MEAF6: variants seen among roughly 807,000 people sequenced by gnomAD.
MEAF6 encodes chromatin modification-related protein MEAF6.
In MEAF6, 15 loss-of-function variants were observed where a neutral mutation model predicts 28.9. The observed-to-expected ratio is 0.52, with a 90% CI of 0.35 to 0.80. The LOEUF (loss-of-function observed/expected upper bound fraction) is 0.80, where lower values mean the gene tolerates loss of function less well. Ranked by LOEUF, MEAF6 falls within the 30% of genes least tolerant of loss-of-function variation. MEAF6 has a pLI of 0.01. For synonymous variants in MEAF6, 97 were observed against 88.7 expected (o/e 1.09, Z -0.53); for missense variants, 178 against 237.5 (o/e 0.75, Z 1.65).
chr1:37,513,299 T>G, intron 2 of MEAF6, 124 bp downstream of exon 2: 1 of 682,266 alleles, frequency 1.5e-6, no homozygotes, highest in Non-Finnish European at 2.6e-6. Context: ...AGTCCAAGAG[T>G]TCAAGTCCAG....
chr1:37,498,409 TTTA>T (rs35576307), intron 5 of MEAF6, among the ~76,000 whole-genome samples: 34,236 of 122,284 alleles, frequency 0.28, 5,219 homozygotes, highest in African/African-American at 0.45. Flanking sequence ...TATGTTATTT[TTTA>T]TTATTATTAT....
At chr1:37,494,628 C>T (rs924920577) in intron 6 of MEAF6, among the ~76,000 whole-genome samples, 1 of 151,392 alleles carries the variant, frequency 6.6e-6, no homozygotes, top group African/African-American at 2.4e-5. Flanking sequence ...GTCAGGAGCT[C>T]GAGACCAGCC....
At position 37,492,788 on chromosome 1, in the gene MEAF6, A is replaced by G. The variant is rs12133933; in HGVS notation, c.*1311T>C. On this transcript the variant is annotated 3_prime_UTR_variant, in exon 7 of 7. Coordinates refer to ENST00000296214, the MANE Select transcript of MEAF6 (RefSeq NM_001270875.3). ...GGTTAGACCCCAAATCTTATCCCTTAGACCAATCATAACATAGGATGTAAA... is the reference window on the plus strand; with the variant it reads ...GGTTAGACCCCAAATCTTATCCCTTGGACCAATCATAACATAGGATGTAAA... 19,906 of 152,610 alleles carry G rather than the reference A, an allele frequency of 0.13. 1,591 individuals are homozygous for G. Among genetic ancestry groups the G allele is most frequent in the South Asian group, 0.17 (842 of 4,822 alleles). The allele number at this position is 152,610 out of a possible 1,614,324, so 9.5% of individuals were successfully genotyped here.
intron 5 of MEAF6, among the ~76,000 whole-genome samples, chr1:37,500,524 C>T (rs1642266446): frequency 6.6e-6 from 1 of 152,244 alleles, no homozygotes; most frequent in East Asian, 1.9e-4. Context: ...TACAGTTATG[C>T]GATTAGGATG....
chr1:37,502,999 C>A (rs1304985100), intron 4 of MEAF6, among the ~76,000 whole-genome samples: 3 of 152,030 alleles, frequency 2.0e-5, no homozygotes, highest in Non-Finnish European at 4.4e-5. Flanking sequence ...CTGGTGTGAA[C>A]TGGTGTGATC....
rs1642189837 is a variant in MEAF6 at position 37,498,409 on chromosome 1, T to TTA, written c.534-2492_534-2491insTA. ...ACTTATAAGAGTAGCTATGTTATTT[T>TTA]TTATTATTATTATTATTATTATTAT... On this transcript the variant is annotated intron_variant, in intron 5 of 6. Coordinates refer to ENST00000296214, the MANE Select transcript of MEAF6 (RefSeq NM_001270875.3). 1.0e-3 allele frequency among the ~76,000 whole-genome samples: 125 copies of TTA among 122,526 alleles called. 1 individual carries two copies. Among genetic ancestry groups the TTA allele is most frequent in the South Asian group, 2.5e-3 (9 of 3,636 alleles). 80.4% of individuals were successfully genotyped at this position (122,526 alleles called of 152,430 possible).
Position 37,509,547 on chromosome 1 carries a change from AAC to A in MEAF6, c.207-7_207-6del. 6.2e-7 allele frequency: 1 copy of A among 1,612,394 alleles called. No individual in the cohort carries two copies. The highest frequency in any genetic ancestry group is 8.5e-7 in the Non-Finnish European group (1 of 1,178,904). On this transcript the variant is annotated splice_region_variant and splice_polypyrimidine_tract_variant and intron_variant, in intron 2 of 6. Transcript: ENST00000296214. ...TCATTTTTGCTATTGGAGTTTCTAA[AAC>A]ACAGAAGAAACTCATTATGAGCACC...
Position 37,492,258 on chromosome 1 carries a change from G to A in MEAF6, c.*1841C>T, listed in dbSNP as rs1270064116. 2.0e-5 allele frequency among the ~76,000 whole-genome samples: 3 copies of A among 151,958 alleles called. No homozygotes were observed. The highest frequency in any genetic ancestry group is 2.0e-4 in the Admixed American group (3 of 15,260). ...TTCGCCAGGATGGTCTCGATCTCCT[G>A]ACCTCGTGATCCGCCCGCTTCGGCC... On this transcript the variant is annotated 3_prime_UTR_variant, in exon 7 of 7. Coordinates refer to ENST00000296214, the MANE Select transcript of MEAF6 (RefSeq NM_001270875.3).
chr1:37,506,310 G>C (rs1569978568), intron 4 of MEAF6, among the ~76,000 whole-genome samples: 1 of 151,998 alleles, frequency 6.6e-6, no homozygotes, highest in East Asian at 1.9e-4. Flanking sequence ...TTAGGCAATG[G>C]TTTCTCAGAT....
At chr1:37,506,773 G>A (rs1340831185) in intron 4 of MEAF6, among the ~76,000 whole-genome samples, 1 of 152,098 alleles carries the variant, frequency 6.6e-6, no homozygotes, top group Admixed American at 6.5e-5. Flanking sequence ...TGAACTCCTG[G>A]GCTCAAGCAA....
In MEAF6 at chr1:37,492,299, A is replaced by G. The variant is rs529828428; in HGVS notation, c.*1800T>C. On this transcript the variant is annotated 3_prime_UTR_variant, in exon 7 of 7. Transcript: ENST00000296214. ...CGCTTCGGCCTCCCAAAGTGCTGGG[A>G]TTACAGGTGTGAGCCACCGCACCCA... Among the ~76,000 whole-genome samples the G allele has an allele frequency of 2.5e-4, 38 of 151,948 alleles. No homozygotes were observed. Among genetic ancestry groups the G allele is most frequent in the Non-Finnish European group, 4.9e-4 (33 of 67,978 alleles).
At chr1:37,495,097 G>T (rs1233707444) in intron 6 of MEAF6, among the ~76,000 whole-genome samples, 2 of 152,016 alleles carry the variant, frequency 1.3e-5, no homozygotes, top group South Asian at 4.1e-4. Context: ...CACTTTGGGA[G>T]GCTGAGGCGG....
intron 6 of MEAF6, among the ~76,000 whole-genome samples, chr1:37,495,382 T>C (rs530788351): frequency 2.4e-4 from 32 of 135,380 alleles, no homozygotes; most frequent in South Asian, 7.3e-4. Context: ...ATAAATAAAG[T>C]ATGTGACCTC....
chr1:37,513,380 T>C, intron 2 of MEAF6, 43 bp downstream of exon 2: 1 of 1,511,640 alleles, frequency 6.6e-7, no homozygotes, highest in Admixed American at 1.7e-5. Context: ...AAAACAAACG[T>C]TACTAGGGCA....
chr1:37,513,301 C>T (rs1642726286), intron 2 of MEAF6, 122 bp downstream of exon 2: 1 of 690,594 alleles, frequency 1.4e-6, no homozygotes. Flanking sequence ...TCCAAGAGTT[C>T]AAGTCCAGAT....
intron 2 of MEAF6, 64 bp from the exon 3 acceptor site, chr1:37,509,606 C>T (rs1642598174): frequency 6.4e-6 from 9 of 1,412,492 alleles, no homozygotes; most frequent in Non-Finnish European, 8.9e-6. Context: ...CTGGGGATGC[C>T]CCAGGACTCA....
chr1:37,495,922 TGA>T lies in MEAF6; in HGVS notation c.534-6_534-5del. 1 of 1,613,474 alleles carries T rather than the reference TGA, an allele frequency of 6.2e-7. No individual in the cohort carries two copies. The highest frequency in any genetic ancestry group is 8.5e-7 in the Non-Finnish European group (1 of 1,179,460). Reference sequence around the variant, plus strand: ...TTTGTTTAACTTCAGATCAATCCTGTGACAGAAAAGATAAAAGATATTTCCAT... The same window carrying T: ...TTTGTTTAACTTCAGATCAATCCTGTCAGAAAAGATAAAAGATATTTCCAT... On this transcript the variant is annotated splice_region_variant and splice_polypyrimidine_tract_variant and intron_variant, in intron 5 of 6. Transcript: ENST00000296214.
At chr1:37,514,621 G>T in intron 1 of MEAF6, 36 bp downstream of exon 1, 1 of 1,451,796 alleles carries the variant, frequency 6.9e-7, no homozygotes, top group South Asian at 1.3e-5. Flanking sequence ...CGGGCGCGGA[G>T]CCCCATGCCG....
chr1:37,493,807 C>A lies in MEAF6; in HGVS notation c.*292G>T. On this transcript the variant is annotated 3_prime_UTR_variant, in exon 7 of 7. Coordinates refer to ENST00000296214, the MANE Select transcript of MEAF6 (RefSeq NM_001270875.3). The stretch of plus-strand genomic sequence containing the variant: ...TGGTGCCAGCCAGTTTTGGGGGAGA[C>A]ATTCATTCTAAGAAGGGAGAAACGC... 1 of 1,550,802 alleles carries A rather than the reference C, an allele frequency of 6.4e-7. No homozygotes were observed. The highest frequency in any genetic ancestry group is 1.7e-4 in the Middle Eastern group (1 of 5,992).
Sources: allele counts gnomAD v4.1 joint callset (sites outside exome capture counted in the v4.1 genomes callset), GRCh38; gene constraint gnomAD v4.1.1; transcripts MANE v1.5; gene names NCBI Gene and HGNC (gene_info 2026-07-23, HGNC 2026-07-21).